RERE: variants seen among roughly 807,000 people sequenced by gnomAD.
The protein encoded by RERE is arginine-glutamic acid dipeptide repeats.
Under a neutral mutation model 146.1 loss-of-function variants are expected in RERE, and 40 were observed. That is an observed-to-expected ratio of 0.27 (90% CI 0.21 to 0.36). RERE has a LOEUF of 0.36. Ranked by LOEUF, RERE falls within the 10% of genes least tolerant of loss-of-function variation. The pLI is 1.00. For synonymous variants in RERE, 1,003 were observed against 866.0 expected (o/e 1.16, Z -2.78); for missense variants, 1,933 against 2,138.7 (o/e 0.90, Z 1.90).
intron 9 of RERE, among the ~76,000 whole-genome samples, chr1:8,495,867 T>C (rs1019432564): frequency 2.6e-5 from 4 of 152,068 alleles, no homozygotes; most frequent in South Asian, 2.1e-4. Context: ...CAACTACCTT[T>C]AGGTGAATTA....
intron 2 of RERE, among the ~76,000 whole-genome samples, chr1:8,625,257 C>T (rs1421540690): frequency 6.6e-6 from 1 of 152,094 alleles, no homozygotes; most frequent in Non-Finnish European, 1.5e-5. Context: ...CCACGCTTGG[C>T]CAAGGTTGCT....
chr1:8,457,885 G>A (rs939849494), intron 11 of RERE, among the ~76,000 whole-genome samples: 1 of 152,118 alleles, frequency 6.6e-6, no homozygotes, highest in African/African-American at 2.4e-5. Context: ...ACAAGCATGA[G>A]CCTCTGCGCC....
intron 4 of RERE, among the ~76,000 whole-genome samples, chr1:8,601,150 G>T (rs1399360603): frequency 1.3e-5 from 2 of 149,914 alleles, no homozygotes; most frequent in Non-Finnish European, 3.0e-5. Flanking sequence ...CTCCCAAGTT[G>T]CTGGGATTAC....
chr1:8,462,257 GGA>G (rs1307021221), intron 11 of RERE, among the ~76,000 whole-genome samples: 2 of 152,304 alleles, frequency 1.3e-5, no homozygotes, highest in Admixed American at 6.5e-5. Flanking sequence ...CCTCTCATAT[GGA>G]GAGAAACTAT....
chr1:8,668,758 G>A (rs76778870), intron 1 of RERE, among the ~76,000 whole-genome samples: 2,322 of 152,276 alleles, frequency 0.015, 60 homozygotes, highest in African/African-American at 0.053. Flanking sequence ...AGAAAAGACA[G>A]ATCCATAGGG....
chr1:8,480,341 T>C (rs1557650974), intron 10 of RERE, among the ~76,000 whole-genome samples: 2 of 152,038 alleles, frequency 1.3e-5, no homozygotes, highest in African/African-American at 4.8e-5. Context: ...GGTTTCACCA[T>C]GTTGGTCAGG....
At chr1:8,575,858 A>G (rs1646288639) in intron 4 of RERE, among the ~76,000 whole-genome samples, 1 of 152,110 alleles carries the variant, frequency 6.6e-6, no homozygotes, top group African/African-American at 2.4e-5. Flanking sequence ...ATACAAATGA[A>G]AACTGAGAAA....
chr1:8,692,352 T>TC (rs1047935337), intron 1 of RERE, among the ~76,000 whole-genome samples: 2 of 150,402 alleles, frequency 1.3e-5, no homozygotes, highest in African/African-American at 2.5e-5. Flanking sequence ...TACTTTTTTT[T>TC]TTTCTTTTTT....
intron 1 of RERE, among the ~76,000 whole-genome samples, chr1:8,671,510 A>C (rs1477268196): frequency 6.6e-6 from 1 of 152,232 alleles, no homozygotes; most frequent in Non-Finnish European, 1.5e-5. Context: ...GCTGTTTCAC[A>C]GGGAAATACA....
chr1:8,556,609 T>C (rs758033529), intron 5 of RERE, 38 bp from the exon 6 acceptor site: 2 of 1,311,432 alleles, frequency 1.5e-6, no homozygotes, highest in Admixed American at 1.8e-5. Flanking sequence ...TAAAACTGAG[T>C]TTCCCAAAAC....
intron 6 of RERE, among the ~76,000 whole-genome samples, chr1:8,546,110 C>T (rs1645858438): frequency 1.3e-5 from 2 of 149,210 alleles, no homozygotes; most frequent in Admixed American, 1.4e-4. Flanking sequence ...CCAGCTCAGC[C>T]TTCCCGGTAG....
At chr1:8,715,639 C>T (rs1179308524) in intron 1 of RERE, among the ~76,000 whole-genome samples, 1 of 152,058 alleles carries the variant, frequency 6.6e-6, no homozygotes, top group East Asian at 1.9e-4. Context: ...CAAGGAGGCT[C>T]ACATCTGTAA....
intron 1 of RERE, among the ~76,000 whole-genome samples, chr1:8,697,797 G>A (rs1334717918): frequency 1.3e-5 from 2 of 152,130 alleles, no homozygotes; most frequent in East Asian, 3.8e-4. Flanking sequence ...GAACAGTAGT[G>A]TCTGTGGCCA....
intron 1 of RERE, among the ~76,000 whole-genome samples, chr1:8,705,312 GC>G (rs554426392): frequency 2.8e-4 from 42 of 152,046 alleles, no homozygotes; most frequent in Middle Eastern, 3.4e-3. Flanking sequence ...CCTGCACCCA[GC>G]CCCCCACTTT....
At chr1:8,431,482 A>C (rs1317728997) in intron 11 of RERE, among the ~76,000 whole-genome samples, 1 of 152,200 alleles carries the variant, frequency 6.6e-6, no homozygotes, top group Non-Finnish European at 1.5e-5. Flanking sequence ...TTGTATAATT[A>C]ATTCATTACA....
intron 1 of RERE, among the ~76,000 whole-genome samples, chr1:8,681,662 ACAAGTCTTAAACTAAAT>A (rs1267298270): frequency 6.6e-6 from 1 of 152,336 alleles, no homozygotes; most frequent in Non-Finnish European, 1.5e-5. Context: ...GTTCTATATC[ACAAGTCTTAAACTAAAT>A]CAAAAAAAGT....
At chr1:8,550,861 TAAATGTTTTAAG>T (rs1160806300) in intron 6 of RERE, among the ~76,000 whole-genome samples, 1 of 152,162 alleles carries the variant, frequency 6.6e-6, no homozygotes, top group African/African-American at 2.4e-5. Flanking sequence ...AAAGGATTTT[TAAATGTTTTAAG>T]GAATGGTTGG....
chr1:8,466,134 G>A lies in RERE; in HGVS notation c.1105-111C>T, dbSNP rs1246599911. 1.2e-5 allele frequency: 10 copies of A among 852,320 alleles called. No homozygotes were observed. In the East Asian group the frequency reaches 2.7e-4, roughly 23 times the overall value. 52.8% of individuals were successfully genotyped at this position (852,320 alleles called of 1,614,324 possible). A position where few individuals can be genotyped will look rare whatever the true frequency, so the allele number is the denominator to read the frequency against. ...TCTCCCACAGAAGAGTCAGGAAAGG[G>A]GCACTGAGACTCCATCATTTCAGTA... On this transcript the variant is annotated intron_variant, in intron 10 of 22. Coordinates refer to ENST00000400908, the MANE Select transcript of RERE (RefSeq NM_001042681.2).
chr1:8,478,068 C>T (rs1489584876), intron 10 of RERE, among the ~76,000 whole-genome samples: 1 of 152,228 alleles, frequency 6.6e-6, no homozygotes, highest in African/African-American at 2.4e-5. Flanking sequence ...GAGCTTTAGA[C>T]ACTTAGTTAC....
Sources: gnomAD v4.1 joint callset for allele counts (sites outside exome capture counted in the v4.1 genomes callset) on GRCh38, gnomAD v4.1.1 for gene constraint, MANE v1.5 for transcripts, NCBI Gene and HGNC (gene_info 2026-07-23, HGNC 2026-07-21) for gene names.